D2HGDH: variants seen among roughly 807,000 people sequenced by gnomAD.
D2HGDH encodes D-2-hydroxyglutarate dehydrogenase.
D2HGDH carries 31 observed loss-of-function variants against 46.9 expected under a neutral mutation model. The ratio of observed to expected loss-of-function variants is 0.66; its 90% CI spans 0.50 to 0.89. The LOEUF is 0.89. Ranked by LOEUF, D2HGDH falls within the 40% of genes least tolerant of loss-of-function variation. The probability of loss-of-function intolerance (pLI) is 0.00; values close to 1 mark genes in which losing one functional copy is unlikely to be tolerated. For missense variants in D2HGDH, 698 were observed against 720.8 expected, an observed-to-expected ratio of 0.97 and a Z score of 0.36; for synonymous variants, 364 against 332.6, an observed-to-expected ratio of 1.09 and a Z score of -1.03.
rs1459342368 is a variant in D2HGDH at position 241,742,283 on chromosome 2, A to T, written c.351-152A>T. On this transcript the variant is annotated intron_variant, in intron 3 of 9. Coordinates refer to ENST00000321264, the MANE Select transcript of D2HGDH (RefSeq NM_152783.5). The surrounding 1 kb of genome is among the most constrained non-coding windows in gnomAD (Gnocchi z 4.8). ...TCTGTCCTTCCTCAGAATCCCTCACATGCGTGGGCTGGGGAGGAGCCCCCG... is the reference window on the plus strand; with the variant it reads ...TCTGTCCTTCCTCAGAATCCCTCACTTGCGTGGGCTGGGGAGGAGCCCCCG... The T allele has an allele frequency of 8.8e-6, 9 of 1,024,490 alleles. No homozygotes were observed. Among genetic ancestry groups the T allele is most frequent in the Non-Finnish European group, 1.3e-5 (9 of 707,802 alleles). 63.5% of individuals were successfully genotyped at this position (1,024,490 alleles called of 1,614,324 possible).
In D2HGDH at chr2:241,751,244, A is replaced by G. The variant is rs1559380854; in HGVS notation, c.998-2A>G. The stretch of plus-strand genomic sequence containing the variant: ...CACTCTGCCTTCCTTGCTCACTTCT[A>G]GAGAGTCCGTTTTACGTCCTCATCG... On this transcript the variant is annotated splice_acceptor_variant, in intron 7 of 9. Transcript: ENST00000321264. LOFTEE classifies it high-confidence loss of function. 1 of 1,613,966 alleles carries G rather than the reference A, an allele frequency of 6.2e-7. No individual in the cohort carries two copies. The highest frequency in any genetic ancestry group is 8.5e-7 in the Non-Finnish European group (1 of 1,180,004).
intron 9 of D2HGDH, among the ~76,000 whole-genome samples, chr2:241,763,298 C>T (rs1231660796): frequency 1.3e-5 from 2 of 152,206 alleles, no homozygotes; most frequent in African/African-American, 4.8e-5. Context: ...GCCATTGCCC[C>T]TAGGTGACAA....
At chr2:241,750,387 GGGTGCCCGGGCGGGC>G in intron 7 of D2HGDH, 93 bp downstream of exon 7, 14 of 1,450,430 alleles carry the variant, frequency 9.7e-6, no homozygotes, top group Admixed American at 3.7e-5. Flanking sequence ...GGTGGGCGGG[GGGTGCCCGGGCGGGC>G]GGGTGGGGGG....
Position 241,742,501 on chromosome 2 carries a change from C to A in D2HGDH, c.417C>A (p.Ser139Arg). ...GCAACACAGGCATGGTGGGTGGCAG[C>A]GTCCCCGTCTTTGACGAGATCATCC... is the stretch of plus-strand genomic sequence containing the variant. ...QGGNTGMVGGSVPVFDEIILS... is the reference protein window; with the variant it reads ...QGGNTGMVGGRVPVFDEIILS... Residue 139 changes from serine (S) to arginine (R), a missense_variant, in exon 4 of 10, where the codon AGC becomes AGA. By Grantham distance (110) the Ser-to-Arg change is moderately radical (BLOSUM62 -1). Coordinates refer to ENST00000321264, the MANE Select transcript of D2HGDH (RefSeq NM_152783.5). This position sits in a 1 kb window ranked among gnomAD's most constrained non-coding sequence, Gnocchi z 4.8. 2 of 1,614,046 alleles carry A rather than the reference C, an allele frequency of 1.2e-6. No individual in the cohort carries two copies. The highest frequency in any genetic ancestry group is 1.7e-6 in the Non-Finnish European group (2 of 1,179,988).
intron 2 of D2HGDH, among the ~76,000 whole-genome samples, chr2:241,736,672 T>G (rs1434705479): frequency 1.6e-5 from 2 of 126,468 alleles, no homozygotes; most frequent in African/African-American, 6.5e-5. Flanking sequence ...CGTTTATCCG[T>G]TTTTTTTTTT....
At chr2:241,739,523 C>T (rs1021559253) in intron 2 of D2HGDH, among the ~76,000 whole-genome samples, 1 of 152,270 alleles carries the variant, frequency 6.6e-6, no homozygotes, top group East Asian at 1.9e-4. Flanking sequence ...GTGGACACCA[C>T]AGCCTGGTTC....
rs769954241 is a variant in D2HGDH at position 241,751,387 on chromosome 2, A to G, written c.1139A>G (p.Lys380Arg). The change falls in exon 8 of 10, where the codon AAG becomes AGG. Residue 380 changes from lysine (K) to arginine (R), a missense_variant and splice_region_variant. Lys to Arg is a conservative substitution (Grantham distance 26). Coordinates refer to ENST00000321264, the MANE Select transcript of D2HGDH (RefSeq NM_152783.5). ...ATGGCCACCGACCAGAGGAAAGTCA[A>G]GGTGCCCTGTGTCCTGCTTGCAGGT... is the stretch of plus-strand genomic sequence containing the variant. Reference protein sequence around the residue: ...GTMATDQRKVKMLWALRERIT... With the variant: ...GTMATDQRKVRMLWALRERIT... The G allele has an allele frequency of 3.1e-6, 5 of 1,613,258 alleles. No individual in the cohort carries two copies. The highest frequency in any genetic ancestry group is 1.1e-5 in the South Asian group (1 of 91,052).
intron 6 of D2HGDH, 45 bp from the exon 7 acceptor site, chr2:241,750,106 G>A (rs761375145): frequency 6.2e-7 from 1 of 1,613,180 alleles, no homozygotes; most frequent in Non-Finnish European, 8.5e-7. Flanking sequence ...TGGGTGGGCT[G>A]GGTTTAGCTC....
chr2:241,742,031 C>T lies in D2HGDH; in HGVS notation c.351-404C>T, dbSNP rs1314150146. 4.6e-5 allele frequency among the ~76,000 whole-genome samples: 7 copies of T among 152,214 alleles called. No individual in the cohort carries two copies. Among genetic ancestry groups the T allele is most frequent in the South Asian group, 2.1e-4 (1 of 4,824 alleles). On this transcript the variant is annotated intron_variant, in intron 3 of 9. Coordinates refer to ENST00000321264, the MANE Select transcript of D2HGDH (RefSeq NM_152783.5). This position sits in a 1 kb window ranked among gnomAD's most constrained non-coding sequence, Gnocchi z 4.8. Reference sequence around the variant, plus strand: ...TGGGAGGGAGGTATCCTTGGGCACACGTCTGGGGGATAATGGGCCGAGGGT... The same window carrying T: ...TGGGAGGGAGGTATCCTTGGGCACATGTCTGGGGGATAATGGGCCGAGGGT...
At chr2:241,737,964 C>G (rs1693395973) in intron 2 of D2HGDH, among the ~76,000 whole-genome samples, 1 of 152,152 alleles carries the variant, frequency 6.6e-6, no homozygotes, top group Admixed American at 6.5e-5. Context: ...TAAGAACACT[C>G]AGAAAGTTTC....
chr2:241,750,393 CCGGGCGGG>C, intron 7 of D2HGDH, 99 bp downstream of exon 7: 1 of 489,040 alleles, frequency 2.0e-6, no homozygotes, highest in Non-Finnish European at 3.4e-6. Context: ...CGGGGGGTGC[CCGGGCGGG>C]CGGGTGGGGG....
At position 241,768,272 on chromosome 2, in the gene D2HGDH, G is replaced by C. The variant is rs1489075007; in HGVS notation, c.*303G>C. 11 of 435,002 alleles carry C rather than the reference G, an allele frequency of 2.5e-5. No individual in the cohort carries two copies. Among genetic ancestry groups the C allele is most frequent in the Non-Finnish European group, 3.8e-5 (9 of 239,918 alleles). 26.9% of individuals were successfully genotyped at this position (435,002 alleles called of 1,614,324 possible). On this transcript the variant is annotated 3_prime_UTR_variant, in exon 10 of 10. Coordinates refer to ENST00000321264, the MANE Select transcript of D2HGDH (RefSeq NM_152783.5). Reference sequence around the variant, plus strand: ...TGGAAGCGGGGTGGGTCTCACTTGCGTGGTGGCCCCTGGCCCCATCTTGCC... The same window carrying C: ...TGGAAGCGGGGTGGGTCTCACTTGCCTGGTGGCCCCTGGCCCCATCTTGCC...
rs987042999 is a variant in D2HGDH at position 241,744,657 on chromosome 2, CGTCTT to C, written c.685-48_685-44del. Reference sequence around the variant, plus strand: ...GACACCTGGCCCCGGAGGCGACCGACGTCTTGTCAGGAGGCTGGCAGGTGGGTGAA... The same window carrying C: ...GACACCTGGCCCCGGAGGCGACCGACGTCAGGAGGCTGGCAGGTGGGTGAA... On this transcript the variant is annotated intron_variant, in intron 5 of 9. Coordinates refer to ENST00000321264, the MANE Select transcript of D2HGDH (RefSeq NM_152783.5). 2.5e-5 allele frequency: 41 copies of C among 1,612,580 alleles called. No homozygotes were observed. The African/African-American group carries it at 2.9e-4, about 12-fold the overall frequency.
Position 241,743,647 on chromosome 2 carries a change from C to T in D2HGDH, c.516C>T (p.Cys172=), listed in dbSNP as rs971378866. The T allele has an allele frequency of 7.4e-6, 12 of 1,613,624 alleles. No homozygotes were observed. The highest frequency in any genetic ancestry group is 1.3e-5 in the African/African-American group (1 of 74,916). ...VSGILVCQAG[C]VLEELSRYVE... ...GAATTCTGGTTTGCCAGGCGGGCTGCGTCCTGGAGGAGCTGAGCCGGTATG... is the reference window on the plus strand; with the variant it reads ...GAATTCTGGTTTGCCAGGCGGGCTGTGTCCTGGAGGAGCTGAGCCGGTATG... Residue 172 remains cysteine, a synonymous_variant, in exon 5 of 10, where the codon TGC becomes TGT. Coordinates refer to ENST00000321264, the MANE Select transcript of D2HGDH (RefSeq NM_152783.5). This position sits in a 1 kb window ranked among gnomAD's most constrained non-coding sequence, Gnocchi z 4.8.
intron 2 of D2HGDH, among the ~76,000 whole-genome samples, chr2:241,737,114 G>T (rs1208189015): frequency 2.0e-5 from 3 of 152,156 alleles, no homozygotes; most frequent in African/African-American, 4.8e-5. Context: ...GACTACAGGC[G>T]CCCGCCACCA....
At chr2:241,755,199 C>G in intron 8 of D2HGDH, 1 of 1,294,230 alleles carries the variant, frequency 7.7e-7, no homozygotes, top group Non-Finnish European at 1.0e-6. Context: ...CGCCGTGTCC[C>G]TCCTCCTCCA....
chr2:241,749,007 C>T, intron 6 of D2HGDH: 1 of 1,157,770 alleles, frequency 8.6e-7, no homozygotes, highest in South Asian at 1.6e-5. Context: ...GGAACAGGCC[C>T]TGTGAGGATG....
rs1192073519 is a variant in D2HGDH, at chr2:241,768,357, CGGGCATGCGTGGGCAGCGGG to C, written c.*406_*425del. ...TTCTGCCTGCTTGCTGCTCGTTCCC[CGGGCATGCGTGGGCAGCGGG>C]GGGCATGCGTGGGCAGCAGGGGGCG... On this transcript the variant is annotated 3_prime_UTR_variant, in exon 10 of 10. Transcript: ENST00000321264. The C allele has an allele frequency of 8.3e-5, 18 of 216,628 alleles. No individual in the cohort carries two copies. Among genetic ancestry groups the C allele is most frequent in the African/African-American group, 1.4e-4 (6 of 42,900 alleles). 13.4% of individuals were successfully genotyped at this position (216,628 alleles called of 1,614,324 possible).
chr2:241,749,189 C>G lies in D2HGDH; in HGVS notation c.854-962C>G, dbSNP rs1696647090. 13 of 869,536 alleles carry G rather than the reference C, an allele frequency of 1.5e-5. No individual in the cohort carries two copies. In the South Asian group the frequency reaches 2.3e-4, roughly 16 times the overall value. The allele number at this position is 869,536 out of a possible 1,614,324, so 53.9% of individuals were successfully genotyped here. On this transcript the variant is annotated intron_variant, in intron 6 of 9. Coordinates refer to ENST00000321264, the MANE Select transcript of D2HGDH (RefSeq NM_152783.5). Reference sequence around the variant, plus strand: ...TGCCCAGTCCCCACCGCCAGACCCTCCAACACCACCACCACCTCCCACACC... The same window carrying G: ...TGCCCAGTCCCCACCGCCAGACCCTGCAACACCACCACCACCTCCCACACC...
Sources: allele counts gnomAD v4.1 joint callset (sites outside exome capture counted in the v4.1 genomes callset), GRCh38; gene constraint gnomAD v4.1.1; non-coding constraint Gnocchi (gnomAD v3.1); transcripts MANE v1.5; gene names NCBI Gene and HGNC (gene_info 2026-07-23, HGNC 2026-07-21).